USH2A: variants seen among roughly 807,000 people sequenced by gnomAD.
USH2A encodes the protein Usher syndrome 2A (autosomal recessive, mild).
A neutral mutation model predicts 538.9 loss-of-function variants in USH2A; 443 were observed. That is an observed-to-expected ratio of 0.82 (90% confidence interval 0.76 to 0.89). The LOEUF (loss-of-function observed/expected upper bound fraction) is 0.89. Among genes scored for constraint, USH2A ranks in the 40% least tolerant of loss-of-function variants. The probability of loss-of-function intolerance (pLI) is 0.00; values close to 1 mark genes in which losing one functional copy is unlikely to be tolerated. For synonymous variants in USH2A, 2,413 were observed against 2,273.5 expected, an observed-to-expected ratio of 1.06 and a Z score of -1.75; for missense variants, 6,633 against 6,324.8, an observed-to-expected ratio of 1.05 and a Z score of -1.65.
chr1:215,919,202 C>T (rs1025545858), intron 38 of USH2A, among the ~76,000 whole-genome samples: 1 of 152,018 alleles, frequency 6.6e-6, no homozygotes, highest in African/African-American at 2.4e-5. Context: ...AATTCTAATA[C>T]TTCCTATACT....
chr1:216,311,644 A>C (rs1445705174), intron 9 of USH2A, among the ~76,000 whole-genome samples: 4 of 152,132 alleles, frequency 2.6e-5, no homozygotes, highest in Non-Finnish European at 5.9e-5. Flanking sequence ...ACTGGAAGTC[A>C]TGGGGCGGAA....
At position 216,005,025 on chromosome 1, in the gene USH2A, A is replaced by T. The variant is rs150741252; in HGVS notation, c.6326-4463T>A. 3.3e-4 allele frequency among the ~76,000 whole-genome samples: 50 copies of T among 152,310 alleles called. 2 individuals carry two copies. In the East Asian group the frequency reaches 8.7e-3, roughly 26 times the overall value. ...GAGTGATCTTTTGATTCTTCAGAGT[A>T]ACACCCTGTAGTACCCTTCTTCTGC... On this transcript the variant is annotated intron_variant, in intron 32 of 71. Coordinates refer to ENST00000307340, the MANE Select transcript of USH2A (RefSeq NM_206933.4).
intron 35 of USH2A, among the ~76,000 whole-genome samples, chr1:215,977,613 A>G (rs1015100411): frequency 1.3e-5 from 2 of 152,094 alleles, no homozygotes; most frequent in Admixed American, 1.3e-4. Context: ...AGGCGAATTA[A>G]GCGATTCCCT....
At chr1:215,895,604 T>C (rs1665317233) in intron 40 of USH2A, among the ~76,000 whole-genome samples, 1 of 152,154 alleles carries the variant, frequency 6.6e-6, no homozygotes, top group Non-Finnish European at 1.5e-5. Flanking sequence ...TGGATGAAGG[T>C]TGCTGAGGGG....
At chr1:215,640,372 C>T (rs996450205) in intron 68 of USH2A, among the ~76,000 whole-genome samples, 186 bp downstream of exon 68, 3 of 152,096 alleles carry the variant, frequency 2.0e-5, no homozygotes, top group Non-Finnish European at 4.4e-5. Context: ...GCAGTGCTGT[C>T]AAGCTGCAAA....
At chr1:216,247,498 A>C (rs905037158) in intron 12 of USH2A, among the ~76,000 whole-genome samples, 2 of 152,204 alleles carry the variant, frequency 1.3e-5, no homozygotes, top group South Asian at 2.1e-4. Flanking sequence ...TTTCTGTTAC[A>C]TATGCTGGAG....
intron 17 of USH2A, 119 bp downstream of exon 17, chr1:216,199,508 A>G (rs1572041887): frequency 7.0e-7 from 1 of 1,438,290 alleles, no homozygotes; most frequent in Non-Finnish European, 9.7e-7. Flanking sequence ...CTGTTTCTCA[A>G]TTATTATATT....
chr1:215,651,121 T>C (rs143487173), intron 64 of USH2A, among the ~76,000 whole-genome samples: 48 of 152,292 alleles, frequency 3.2e-4, no homozygotes, highest in African/African-American at 1.0e-3. Flanking sequence ...TGGAGTGATT[T>C]TGTCAGCTTC....
intron 37 of USH2A, among the ~76,000 whole-genome samples, chr1:215,954,694 C>A (rs1392341609): frequency 6.6e-6 from 1 of 151,718 alleles, no homozygotes; most frequent in Non-Finnish European, 1.5e-5. Flanking sequence ...TGCACATGTA[C>A]CCTAAAACTT....
intron 3 of USH2A, among the ~76,000 whole-genome samples, chr1:216,386,743 C>T (rs753235712): frequency 4.7e-5 from 7 of 147,948 alleles, no homozygotes; most frequent in Non-Finnish European, 7.5e-5. Flanking sequence ...TAGTCCCAGC[C>T]ACTCGGGAGG....
At chr1:216,245,727 T>C (rs568526569) in intron 13 of USH2A, among the ~76,000 whole-genome samples, 1 of 152,276 alleles carries the variant, frequency 6.6e-6, no homozygotes, top group Admixed American at 6.5e-5. Flanking sequence ...CACTGACCAA[T>C]GCCAAAGGAA....
chr1:215,802,122 A>G (rs1487449763), intron 49 of USH2A, among the ~76,000 whole-genome samples: 1 of 152,058 alleles, frequency 6.6e-6, no homozygotes, highest in Non-Finnish European at 1.5e-5. Flanking sequence ...AAACTAACTC[A>G]AAATGGATCA....
At chr1:215,782,997 A>G in intron 52 of USH2A, 62 bp from the exon 53 acceptor site, 1 of 1,487,412 alleles carries the variant, frequency 6.7e-7, no homozygotes, top group Non-Finnish European at 9.1e-7. Flanking sequence ...CCATCATATT[A>G]AAAGTGAATA....
At chr1:216,323,417 C>T (rs2037656956) in intron 8 of USH2A, 57 bp downstream of exon 8, 1 of 1,528,674 alleles carries the variant, frequency 6.5e-7, no homozygotes, top group South Asian at 1.1e-5. Context: ...TCTTAATGTG[C>T]TGTTAAGACA....
At chr1:216,046,719 G>C in intron 31 of USH2A, 127 bp from the exon 32 acceptor site, 6 of 1,136,022 alleles carry the variant, frequency 5.3e-6, no homozygotes, top group Non-Finnish European at 6.4e-6. Flanking sequence ...CCGATTCGTG[G>C]GCAGCTTGTC....
At chr1:215,697,211 G>A (rs1398741010) in intron 61 of USH2A, among the ~76,000 whole-genome samples, 2 of 151,470 alleles carry the variant, frequency 1.3e-5, no homozygotes, top group African/African-American at 4.9e-5. Context: ...TGCCTGCCTC[G>A]GCCTCCCACA....
intron 52 of USH2A, among the ~76,000 whole-genome samples, chr1:215,786,008 G>T (rs944001523): frequency 1.3e-5 from 2 of 151,468 alleles, no homozygotes; most frequent in African/African-American, 4.9e-5. Context: ...ATTTTGTAGG[G>T]ACTTAAGTAA....
At chr1:215,986,297 CTTTTTTCTTTTTCTTTTTT>C (rs1426232309) in intron 35 of USH2A, among the ~76,000 whole-genome samples, 1 of 134,904 alleles carries the variant, frequency 7.4e-6, no homozygotes, top group Non-Finnish European at 1.6e-5. Flanking sequence ...TTTTTTTTTT[CTTTTTTCTTTTTCTTTTTT>C]TTTTTTTTTT....
chr1:215,766,886 C>T, intron 55 of USH2A, 98 bp from the exon 56 acceptor site: 1 of 1,144,368 alleles, frequency 8.7e-7, no homozygotes, highest in Non-Finnish European at 1.3e-6. Flanking sequence ...ATATGATAGC[C>T]AAAACATTTA....
Sources: gnomAD v4.1 joint callset for allele counts (sites outside exome capture counted in the v4.1 genomes callset) on GRCh38, gnomAD v4.1.1 for gene constraint, MANE v1.5 for transcripts, NCBI Gene and HGNC (gene_info 2026-07-23, HGNC 2026-07-21) for gene names.